Variants in TMEM175 observed in about 807,000 individuals in gnomAD.
TMEM175 encodes the protein transmembrane protein 175.
Under a neutral mutation model 36.5 loss-of-function variants are expected in TMEM175, and 36 were observed. The ratio of observed to expected loss-of-function variants is 0.99; its 90% confidence interval spans 0.76 to 1.30. The LOEUF (loss-of-function observed/expected upper bound fraction) is 1.30, where lower values mean the gene tolerates loss of function less well. Among genes scored for constraint, TMEM175 ranks in the 50% most tolerant of loss-of-function variants. TMEM175 has a pLI of 0.00. For missense variants in TMEM175, 705 were observed against 692.8 expected (o/e 1.02, Z -0.20); for synonymous variants, 339 against 313.4 (o/e 1.08, Z -0.86).
chr4:943,376 C>T (rs1727755357), intron 1 of TMEM175, among the ~76,000 whole-genome samples: 2 of 152,102 alleles, frequency 1.3e-5, no homozygotes, highest in African/African-American at 4.8e-5. Context: ...CTCAGCCTCC[C>T]GAGTAGCTGG....
intron 1 of TMEM175, 31 bp from the exon 2 acceptor site, chr4:947,678 C>G (rs1728350437): frequency 6.5e-7 from 1 of 1,540,904 alleles, no homozygotes; most frequent in Non-Finnish European, 8.8e-7. Context: ...GAGCGCCCCA[C>G]AGGCACACTC....
At chr4:945,339 C>A (rs1314014896) in intron 1 of TMEM175, among the ~76,000 whole-genome samples, 1 of 152,092 alleles carries the variant, frequency 6.6e-6, no homozygotes, top group Non-Finnish European at 1.5e-5. Context: ...GTTGCTGCCT[C>A]AGCTTCTGTT....
In TMEM175 at chr4:951,250, C is replaced by T. The variant is rs1308093874; in HGVS notation, c.334C>T (p.Leu112Phe). 1 of 1,614,096 alleles carries T rather than the reference C, an allele frequency of 6.2e-7. No individual in the cohort carries two copies. The highest frequency in any genetic ancestry group is 1.1e-5 in the South Asian group (1 of 91,074). ...GAAAACAGACGACACACTTGCCCTGCTCAACCTGGTGAGTATTTTCCGGTC... is the reference window on the plus strand; with the variant it reads ...GAAAACAGACGACACACTTGCCCTGTTCAACCTGGTGAGTATTTTCCGGTC... Reference protein sequence around the residue: ...VGKTDDTLALLNLACMMTITF... With the variant: ...VGKTDDTLALFNLACMMTITF... Residue 112 changes from leucine (L) to phenylalanine (F), a missense_variant, in exon 5 of 11, where the codon CTC (leucine) becomes TTC (phenylalanine). Coordinates refer to ENST00000264771, the MANE Select transcript of TMEM175 (RefSeq NM_032326.4).
In TMEM175 at chr4:953,211, T is replaced by C; in HGVS notation, c.484T>C (p.Phe162Leu). The C allele has an allele frequency of 1.2e-6, 2 of 1,612,182 alleles. No individual in the cohort carries two copies. The highest frequency in any genetic ancestry group is 1.7e-6 in the Non-Finnish European group (2 of 1,178,874). ...GCAGGCACTGATTGTGGGGTACGCA[T>C]TCCACTTCCCGCACCTGCTGAGCCC... ...VVQALIVGYA[F>L]HFPHLLSPQI... Residue 162 changes from phenylalanine (F) to leucine (L), a missense_variant, in exon 8 of 11, where the codon TTC (phenylalanine) becomes CTC (leucine). Transcript: ENST00000264771.
At chr4:950,305 C>G (rs1419764354) in intron 3 of TMEM175, 116 bp from the exon 4 acceptor site, 4 of 814,056 alleles carry the variant, frequency 4.9e-6, no homozygotes, top group Non-Finnish European at 8.3e-6. Context: ...AGGACCCACC[C>G]GAGGGTTTCG....
At chr4:935,419 G>A (rs1367929064) in intron 1 of TMEM175, among the ~76,000 whole-genome samples, 2 of 152,110 alleles carry the variant, frequency 1.3e-5, no homozygotes, top group African/African-American at 4.8e-5. Flanking sequence ...AAAGAGTATT[G>A]CAAGAGATTA....
intron 1 of TMEM175, among the ~76,000 whole-genome samples, chr4:944,976 G>A (rs1322235748): frequency 5.3e-5 from 8 of 152,092 alleles, no homozygotes; most frequent in Admixed American, 1.3e-4. Flanking sequence ...GGTGGTGCAC[G>A]CCTGTAGTCC....
At chr4:955,960 C>T in intron 10 of TMEM175, 70 bp downstream of exon 10, 3 of 1,565,226 alleles carry the variant, frequency 1.9e-6, no homozygotes, top group Non-Finnish European at 2.6e-6. Context: ...GCGTCTCATC[C>T]TGGAAACCCC....
chr4:933,581 ATG>A (rs1342649273), intron 1 of TMEM175, among the ~76,000 whole-genome samples: 5 of 152,172 alleles, frequency 3.3e-5, no homozygotes, highest in African/African-American at 9.7e-5. Context: ...ACCCAAAATG[ATG>A]TGTGTTACCA....
At chr4:956,091 C>G (rs1436469326) in intron 10 of TMEM175, 17 of 792,382 alleles carry the variant, frequency 2.1e-5, no homozygotes, top group Non-Finnish European at 3.3e-5. Context: ...TCCCAGCGGC[C>G]CCTCCCTTCC....
chr4:942,829 G>A (rs528390290), intron 1 of TMEM175, among the ~76,000 whole-genome samples: 1 of 151,980 alleles, frequency 6.6e-6, no homozygotes, highest in East Asian at 1.9e-4. Flanking sequence ...TAGTAGAGAT[G>A]GGGTTTTGCC....
In TMEM175 at chr4:958,447, C is replaced by T. The variant is rs1052651854; in HGVS notation, c.1466C>T (p.Pro489Leu). The T allele has an allele frequency of 1.8e-5, 29 of 1,587,132 alleles. No individual in the cohort carries two copies. Among genetic ancestry groups the T allele is most frequent in the Non-Finnish European group, 2.4e-5 (28 of 1,172,842 alleles). The change falls in exon 11 of 11, where the codon CCC (proline) becomes CTC (leucine). Residue 489 changes from proline to leucine, a missense_variant. Coordinates refer to ENST00000264771, the MANE Select transcript of TMEM175 (RefSeq NM_032326.4). ...LARPEHPPPA[P>L]TGQDDPQSQL... ...CGGCCCGAACACCCCCCGCCAGCCC[C>T]CACGGGCCAGGACGACCCACAGTCC... is the stretch of plus-strand genomic sequence containing the variant.
rs150782302 is a variant in TMEM175, at chr4:933,242, TAC to T, written c.-32+705_-32+706del. On this transcript the variant is annotated intron_variant, in intron 1 of 10. Coordinates refer to ENST00000264771, the MANE Select transcript of TMEM175 (RefSeq NM_032326.4). ...AAGACTGATGCCAGGCGCGGTGGCT[TAC>T]ACCTGTAATCCCAGTGCTTTGGGAG... Among the ~76,000 whole-genome samples the T allele has an allele frequency of 4.6e-3, 705 of 152,194 alleles. 6 individuals carry two copies. The highest frequency in any genetic ancestry group is 0.016 in the African/African-American group (678 of 41,516).
intron 1 of TMEM175, among the ~76,000 whole-genome samples, chr4:940,468 A>AAAAT (rs1553904271): frequency 1.3e-5 from 2 of 150,076 alleles, no homozygotes; most frequent in African/African-American, 4.9e-5. Context: ...AAAAAAAAAA[A>AAAAT]GCAGTAGTTG....
chr4:945,620 C>A (rs1412810487), intron 1 of TMEM175, among the ~76,000 whole-genome samples: 1 of 152,178 alleles, frequency 6.6e-6, no homozygotes, highest in South Asian at 2.1e-4. Flanking sequence ...TTGTGCGTCT[C>A]GCCTTGGTGT....
At chr4:937,361 C>G (rs951798054) in intron 1 of TMEM175, among the ~76,000 whole-genome samples, 1 of 151,986 alleles carries the variant, frequency 6.6e-6, no homozygotes, top group African/African-American at 2.4e-5. Flanking sequence ...GTCAGGAGTT[C>G]AAGACCAGCC....
In TMEM175 at chr4:932,963, A is replaced by C. The variant is rs1726215842; in HGVS notation, c.-32+423A>C. ...GGCTAGAAAAACCTTCGTCCTGGGC[A>C]ACCACAACACTGCAGAGACTGCCCT... On this transcript the variant is annotated intron_variant, in intron 1 of 10. Coordinates refer to ENST00000264771, the MANE Select transcript of TMEM175 (RefSeq NM_032326.4). The surrounding 1 kb of genome is among the most constrained non-coding windows in gnomAD (Gnocchi z 4.0). Among the ~76,000 whole-genome samples the C allele has an allele frequency of 6.6e-6, 1 of 152,194 alleles. No individual in the cohort carries two copies. Among genetic ancestry groups the C allele is most frequent in the Non-Finnish European group, 1.5e-5 (1 of 68,036 alleles).
rs1307208915 is a variant in TMEM175, at chr4:955,869, C to A, written c.821C>A (p.Thr274Lys). ...GACGGAGTCTACGCCATCGTGGCCA[C>A]GCTTCTCATCCTGGACATCTGGTGA... ...FSDGVYAIVA[T>K]LLILDICEDN... is the part of the protein sequence containing the mutation. The change falls in exon 10 of 11, where the codon ACG (threonine) becomes AAG (lysine). Residue 274 changes from threonine (T) to lysine (K), a missense_variant. Coordinates refer to ENST00000264771, the MANE Select transcript of TMEM175 (RefSeq NM_032326.4). The A allele has an allele frequency of 3.7e-6, 6 of 1,613,772 alleles. No homozygotes were observed. The Admixed American group carries it at 1.0e-4, about 27-fold the overall frequency.
chr4:955,557 GGGCTGTCC>G, intron 9 of TMEM175, 74 bp downstream of exon 9: 1 of 1,526,106 alleles, frequency 6.6e-7, no homozygotes, highest in Non-Finnish European at 9.0e-7. Flanking sequence ...TCCGCACTGA[GGGCTGTCC>G]GTGGGCCGAG....
Sources: gnomAD v4.1 joint callset for allele counts (sites outside exome capture counted in the v4.1 genomes callset) on GRCh38, gnomAD v4.1.1 for gene constraint, Gnocchi (gnomAD v3.1) non-coding constraint, MANE v1.5 for transcripts, NCBI Gene and HGNC (gene_info 2026-07-23, HGNC 2026-07-21) for gene names.